FOXP1: variants seen among roughly 807,000 people sequenced by gnomAD.
FOXP1 encodes the protein forkhead box protein P1.
In FOXP1, 15 loss-of-function variants were observed where a neutral mutation model predicts 98.2. The ratio of observed to expected loss-of-function variants is 0.15; its 90% CI spans 0.10 to 0.24. FOXP1 has a LOEUF of 0.24. FOXP1 is among the 10% of genes least tolerant of loss of function. The probability of loss-of-function intolerance (pLI) is 1.00; values close to 1 mark genes in which losing one functional copy is unlikely to be tolerated. For missense variants in FOXP1, 633 were observed against 848.5 expected, an observed-to-expected ratio of 0.75 and a Z score of 3.15; for synonymous variants, 371 against 314.5, an observed-to-expected ratio of 1.18 and a Z score of -1.90.
At chr3:71,250,789 G>A (rs2068123076) in intron 5 of FOXP1, among the ~76,000 whole-genome samples, 1 of 152,102 alleles carries the variant, frequency 6.6e-6, no homozygotes, top group Non-Finnish European at 1.5e-5. Context: ...AAATTAGCTA[G>A]GCATGGTGGC....
At chr3:71,135,088 A>C (rs1334947632) in intron 6 of FOXP1, among the ~76,000 whole-genome samples, 1 of 151,852 alleles carries the variant, frequency 6.6e-6, no homozygotes, top group Non-Finnish European at 1.5e-5. Context: ...GTGAAACCCC[A>C]TCTCTACCAA....
At chr3:70,987,883 TCAAAGCTCCAC>T in intron 14 of FOXP1, 100 bp downstream of exon 14, 1 of 954,136 alleles carries the variant, frequency 1.0e-6, no homozygotes, top group Admixed American at 1.9e-5. Flanking sequence ...CCCTCAAAAC[TCAAAGCTCCAC>T]CAAAGTAGGC....
chr3:71,578,261 C>G (rs1168755797), intron 2 of FOXP1, among the ~76,000 whole-genome samples: 2 of 152,174 alleles, frequency 1.3e-5, no homozygotes, highest in African/African-American at 4.8e-5. Flanking sequence ...TCCCTCCCCA[C>G]TTAATGCTCT....
intron 3 of FOXP1, among the ~76,000 whole-genome samples, chr3:71,364,085 G>C (rs1177033807): frequency 6.6e-6 from 1 of 152,200 alleles, no homozygotes; most frequent in African/African-American, 2.4e-5. Flanking sequence ...CTCCCGAGCA[G>C]CTGGGACTAC....
intron 9 of FOXP1, among the ~76,000 whole-genome samples, chr3:71,050,574 T>G (rs1268310708): frequency 6.6e-6 from 1 of 152,214 alleles, no homozygotes; most frequent in Non-Finnish European, 1.5e-5. Context: ...TATTCTCCCT[T>G]TTGAAGGCTG....
rs1238336416 is a variant in FOXP1 at position 71,308,156 on chromosome 3, T to TG, written c.-72-8277dup. On this transcript the variant is annotated intron_variant, in intron 4 of 20. Coordinates refer to ENST00000649528, the MANE Select transcript of FOXP1 (RefSeq NM_001349338.3). Reference sequence around the variant, plus strand: ...TTGAGAGAAAATGCAGGGGGAAAGATGGGGGGGCGTAGTTGCAGTGAGACC... The same window carrying TG: ...TTGAGAGAAAATGCAGGGGGAAAGATGGGGGGGGCGTAGTTGCAGTGAGACC... 5.0e-5 allele frequency among the ~76,000 whole-genome samples: 7 copies of TG among 139,926 alleles called. 1 individual carries two copies. Among genetic ancestry groups the TG allele is most frequent in the East Asian group, 4.6e-4 (2 of 4,308 alleles). The allele number at this position is 139,926 out of a possible 152,430, so 91.8% of individuals were successfully genotyped here.
rs2036519537 is a variant in FOXP1 at position 70,972,694 on chromosome 3, G to C, written c.1531-18C>G. ...ACTGCATTCTGCAGCAAGTATAAAA[G>C]AGAGAACATTTACATTTTCTATAAG... On this transcript the variant is annotated intron_variant, in intron 17 of 20. Coordinates refer to ENST00000649528, the MANE Select transcript of FOXP1 (RefSeq NM_001349338.3). The C allele has an allele frequency of 6.2e-7, 1 of 1,613,312 alleles. No individual in the cohort carries two copies.
intron 4 of FOXP1, chr3:71,334,936 T>A (rs535443462): frequency 6.6e-6 from 1 of 152,234 alleles, no homozygotes; most frequent in South Asian, 2.1e-4. Flanking sequence ...AATGGCTAAA[T>A]GTCCTGAAAA....
At chr3:71,159,163 G>T (rs1213883396) in intron 6 of FOXP1, among the ~76,000 whole-genome samples, 1 of 143,918 alleles carries the variant, frequency 6.9e-6, no homozygotes, top group East Asian at 2.1e-4. Flanking sequence ...GAAAAACAAC[G>T]CATGAAAATC....
chr3:71,476,784 G>A (rs2089887209), intron 3 of FOXP1, among the ~76,000 whole-genome samples: 2 of 151,906 alleles, frequency 1.3e-5, no homozygotes, highest in South Asian at 4.1e-4. Context: ...GATTACAGGT[G>A]TGAGCCACTG....
chr3:71,452,237 C>T (rs948188110), intron 3 of FOXP1, among the ~76,000 whole-genome samples: 1 of 152,118 alleles, frequency 6.6e-6, no homozygotes, highest in Non-Finnish European at 1.5e-5. Context: ...TCATGAAAAG[C>T]TCTAACATAC....
chr3:71,187,047 G>T (rs1171810405), intron 6 of FOXP1, among the ~76,000 whole-genome samples: 10 of 152,252 alleles, frequency 6.6e-5, no homozygotes. Flanking sequence ...TAGGTGGCAG[G>T]CTGGATCTGG....
chr3:71,489,424 G>A (rs2090906758), intron 3 of FOXP1, among the ~76,000 whole-genome samples: 2 of 152,238 alleles, frequency 1.3e-5, no homozygotes, highest in Admixed American at 6.5e-5. Flanking sequence ...TGCAATGACA[G>A]AGCAGAGACA....
chr3:71,448,371 G>A (rs866099417), intron 3 of FOXP1, among the ~76,000 whole-genome samples: 1 of 152,132 alleles, frequency 6.6e-6, no homozygotes, highest in South Asian at 2.1e-4. Flanking sequence ...GACTGGTAAG[G>A]TTTAAGCAAT....
Position 71,525,784 on chromosome 3 carries a change from T to A in FOXP1, c.-297-32229A>T, listed in dbSNP as rs114374583. Reference sequence around the variant, plus strand: ...GTGTAAGATGATTCACGTTTTTTTTTAAAAAATCAGGTAATATAAAAAATT... The same window carrying A: ...GTGTAAGATGATTCACGTTTTTTTTAAAAAAATCAGGTAATATAAAAAATT... On this transcript the variant is annotated intron_variant, in intron 2 of 20. Transcript: ENST00000649528. Among the ~76,000 whole-genome samples, 1,502 of 152,194 alleles carry A rather than the reference T, an allele frequency of 9.9e-3. 18 individuals carry two copies. Among genetic ancestry groups the A allele is most frequent in the African/African-American group, 0.033 (1,379 of 41,512 alleles).
intron 11 of FOXP1, among the ~76,000 whole-genome samples, chr3:71,032,815 A>G (rs2047051841): frequency 6.6e-6 from 1 of 152,206 alleles, no homozygotes; most frequent in Non-Finnish European, 1.5e-5. Flanking sequence ...GCTTAAGAGC[A>G]TAAGACTCCC....
chr3:71,421,691 T>G (rs72959384), intron 3 of FOXP1, among the ~76,000 whole-genome samples: 5,072 of 152,238 alleles, frequency 0.033, 277 homozygotes, highest in African/African-American at 0.11. Flanking sequence ...TCTCAGGACC[T>G]CCTGACCAAA....
chr3:71,150,475 CAGG>C (rs755464201), intron 6 of FOXP1, among the ~76,000 whole-genome samples: 123 of 152,110 alleles, frequency 8.1e-4, no homozygotes, highest in Non-Finnish European at 1.4e-3. Flanking sequence ...GACAGTCTGG[CAGG>C]AGGTGAAAAA....
chr3:71,227,732 TAA>T (rs59752685), intron 5 of FOXP1, among the ~76,000 whole-genome samples: 6 of 139,458 alleles, frequency 4.3e-5, no homozygotes, highest in East Asian at 2.1e-4. Context: ...TCAATGTTTT[TAA>T]AAAAAAAAAA....
Sources: allele counts gnomAD v4.1 joint callset (sites outside exome capture counted in the v4.1 genomes callset), GRCh38; gene constraint gnomAD v4.1.1; transcripts MANE v1.5; gene names NCBI Gene and HGNC (gene_info 2026-07-23, HGNC 2026-07-21).